The following LPIN1 variants were observed in gnomAD, a reference collection of about 807,000 sequenced individuals.
LPIN1 encodes lipin 1.
Under a neutral mutation model 107.5 loss-of-function variants are expected in LPIN1, and 71 were observed. That is an observed-to-expected ratio of 0.66 (90% CI 0.55 to 0.80). The LOEUF is 0.80. LPIN1 is among the 30% of genes least tolerant of loss of function. The pLI is 0.00. For synonymous variants in LPIN1, 445 were observed against 452.6 expected, an observed-to-expected ratio of 0.98 and a Z score of 0.21; for missense variants, 1,043 against 1,160.6, an observed-to-expected ratio of 0.90 and a Z score of 1.47.
Position 11,716,800 on chromosome 2 carries a change from C to T in LPIN1, c.138+2988C>T, listed in dbSNP as rs150083703. On this transcript the variant is annotated intron_variant, in intron 2 of 21. Coordinates refer to the LPIN1 transcript ENST00000449576. ...TACACACTCACCAACCCACCTCCCC[C>T]GGCTCTATCCCCAAACAAGATTCAA... 1.1e-4 allele frequency among the ~76,000 whole-genome samples: 16 copies of T among 152,280 alleles called. 1 individual carries two copies. The highest frequency in any genetic ancestry group is 2.9e-4 in the African/African-American group (12 of 41,546).
rs544065692 is a variant in LPIN1, at chr2:11,707,512, A to C, written c.82-6244A>C. On this transcript the variant is annotated intron_variant, in intron 1 of 21. Coordinates refer to the LPIN1 transcript ENST00000449576. The surrounding 1 kb of genome is among the most constrained non-coding windows in gnomAD (Gnocchi z 4.2). ...AAGTTTTGAGCTGAGGAGTGGTGTG[A>C]TCTAACATTCCAGAAGGTTCCTGTG... 2.7e-4 allele frequency among the ~76,000 whole-genome samples: 41 copies of C among 152,288 alleles called. No individual in the cohort carries two copies. Among genetic ancestry groups the C allele is most frequent in the Non-Finnish European group, 5.3e-4 (36 of 68,020 alleles).
intron 1 of LPIN1, among the ~76,000 whole-genome samples, chr2:11,736,668 C>T (rs1457148359): frequency 2.0e-5 from 3 of 152,256 alleles, no homozygotes; most frequent in Admixed American, 6.5e-5. Flanking sequence ...CCGGTATACA[C>T]TGCTATGACC....
intron 1 of LPIN1, among the ~76,000 whole-genome samples, chr2:11,761,602 G>T (rs1274239863): frequency 1.3e-5 from 2 of 152,038 alleles, no homozygotes; most frequent in East Asian, 3.9e-4. Flanking sequence ...ATGACTTCTG[G>T]TTCTCTGGCC....
rs553582539 is a variant in LPIN1 at position 11,776,462 on chromosome 2, ACT to A, written c.830+274_830+275del. Reference sequence around the variant, plus strand: ...TTTTTTTTTTTAATTCCTAAATTTGACTCTCTGGAAATTATGGTTAAGCATAT... The same window carrying A: ...TTTTTTTTTTTAATTCCTAAATTTGACTCTGGAAATTATGGTTAAGCATAT... On this transcript the variant is annotated intron_variant, in intron 6 of 20. Transcript: ENST00000674199. Among the ~76,000 whole-genome samples the A allele has an allele frequency of 2.0e-5, 3 of 149,744 alleles. No individual in the cohort carries two copies. The East Asian group carries it at 5.8e-4, about 29-fold the overall frequency.
Position 11,765,429 on chromosome 2 carries a change from G to T in LPIN1, c.-9-104G>T. On this transcript the variant is annotated intron_variant, in intron 1 of 20. Coordinates refer to ENST00000674199, the MANE Select transcript of LPIN1 (RefSeq NM_001349206.2). The surrounding 1 kb of genome is among the most constrained non-coding windows in gnomAD (Gnocchi z 4.4). ...CCGGAAATGAGAGGAGCTGAAAGTT[G>T]AGTGTGTAATCCACGTTTTTGAAAT... The T allele has an allele frequency of 9.4e-7, 1 of 1,063,848 alleles. No individual in the cohort carries two copies. Among genetic ancestry groups the T allele is most frequent in the Non-Finnish European group, 1.4e-6 (1 of 717,504 alleles). The allele number at this position is 1,063,848 out of a possible 1,614,324, so 65.9% of individuals were successfully genotyped here. A position where few individuals can be genotyped will look rare whatever the true frequency, so the allele number is the denominator to read the frequency against.
rs1045554658 is a variant in LPIN1 at position 11,774,665 on chromosome 2, G to A, written c.722+920G>A. Among the ~76,000 whole-genome samples, 1 of 152,290 alleles carries A rather than the reference G, an allele frequency of 6.6e-6. No individual in the cohort carries two copies. The highest frequency in any genetic ancestry group is 2.1e-4 in the South Asian group (1 of 4,824). ...TAGAAACTCTGGGTTCCTACCTGAA[G>A]CCGGTCTTATCAAAACGCCACCCCT... On this transcript the variant is annotated intron_variant, in intron 5 of 20. Coordinates refer to ENST00000674199, the MANE Select transcript of LPIN1 (RefSeq NM_001349206.2). The surrounding 1 kb of genome is among the most constrained non-coding windows in gnomAD (Gnocchi z 4.4).
intron 17 of LPIN1, among the ~76,000 whole-genome samples, chr2:11,809,636 G>A (rs570503349): frequency 3.3e-5 from 5 of 152,144 alleles, no homozygotes; most frequent in Non-Finnish European, 5.9e-5. Context: ...GGCTGGTTTC[G>A]AACTCCTGAC....
At chr2:11,739,496 C>T (rs6432237) in intron 1 of LPIN1, among the ~76,000 whole-genome samples, 22,319 of 152,112 alleles carry the variant, frequency 0.15, 3,365 homozygotes, top group African/African-American at 0.39. Flanking sequence ...TTCAGGACAT[C>T]GAGGAGAAAA....
chr2:11,819,675 C>T (rs1558311209), intron 19 of LPIN1, 77 bp downstream of exon 19: 21 of 1,058,536 alleles, frequency 2.0e-5, no homozygotes, highest in Non-Finnish European at 2.7e-5. Flanking sequence ...AAGCCCTATC[C>T]GAGAACCATA....
upstream of LPIN1, chr2:11,722,042 GA>G (rs5829327): frequency 0.4 from 61,478 of 152,124 alleles, 13,880 homozygotes; most frequent in South Asian, 0.55. Flanking sequence ...GGAAGGCAGA[GA>G]AAAAGAAGGA....
At chr2:11,681,649 C>G (rs1233482193) in intron 1 of LPIN1, among the ~76,000 whole-genome samples, 2 of 152,184 alleles carry the variant, frequency 1.3e-5, no homozygotes, top group African/African-American at 2.4e-5. Flanking sequence ...CTGTTCTTTC[C>G]TTCTACCACG....
At chr2:11,693,204 T>A (rs899755903) in intron 1 of LPIN1, among the ~76,000 whole-genome samples, 3 of 100,070 alleles carry the variant, frequency 3.0e-5, no homozygotes, top group Admixed American at 2.6e-4. Context: ...CTGAACAACA[T>A]TTTTTTTTTT....
chr2:11,728,814 T>C (rs1178512237), intron 1 of LPIN1, among the ~76,000 whole-genome samples: 1 of 152,332 alleles, frequency 6.6e-6, no homozygotes, highest in African/African-American at 2.4e-5. Context: ...TACTTTTTAG[T>C]GATTGCTCAA....
chr2:11,678,100 C>T (rs1183776601), intron 1 of LPIN1, among the ~76,000 whole-genome samples: 1 of 152,180 alleles, frequency 6.6e-6, no homozygotes. Context: ...AGTTTGTGTG[C>T]AGGCCAGGAA....
At chr2:11,780,025 C>T (rs1030454586) in intron 7 of LPIN1, among the ~76,000 whole-genome samples, 3 of 152,056 alleles carry the variant, frequency 2.0e-5, no homozygotes, top group South Asian at 2.1e-4. Context: ...GGATTACAGG[C>T]GCATGCCACC....
intron 1 of LPIN1, among the ~76,000 whole-genome samples, chr2:11,763,817 C>G (rs1670246963): frequency 6.7e-6 from 1 of 149,950 alleles, no homozygotes; most frequent in African/African-American, 2.5e-5. Flanking sequence ...TCGTTGTACC[C>G]TGTCCACCTT....
In LPIN1 at chr2:11,827,001, C is replaced by T. The variant is rs192429752; in HGVS notation, c.*2210C>T. 8.9e-4 allele frequency: 136 copies of T among 152,734 alleles called. No individual in the cohort carries two copies. The highest frequency in any genetic ancestry group is 3.2e-3 in the African/African-American group (133 of 41,548). 9.5% of individuals were successfully genotyped at this position (152,734 alleles called of 1,614,324 possible). A position where few individuals can be genotyped will look rare whatever the true frequency, so the allele number is the denominator to read the frequency against. ...TATATGGGCTGCACTCACGCATATA[C>T]GAGTTGGTTTATCTTTGTGTACATG... On this transcript the variant is annotated 3_prime_UTR_variant, in exon 21 of 21. Coordinates refer to ENST00000674199, the MANE Select transcript of LPIN1 (RefSeq NM_001349206.2). This position sits in a 1 kb window ranked among gnomAD's most constrained non-coding sequence, Gnocchi z 4.1.
At chr2:11,753,034 T>G (rs1459448791) in intron 1 of LPIN1, among the ~76,000 whole-genome samples, 3 of 152,180 alleles carry the variant, frequency 2.0e-5, no homozygotes, top group African/African-American at 7.2e-5. Flanking sequence ...GAGCGTCTGC[T>G]GTGTGCTGGA....
At chr2:11,760,123 G>A (rs1669529185) in intron 1 of LPIN1, among the ~76,000 whole-genome samples, 2 of 152,174 alleles carry the variant, frequency 1.3e-5, no homozygotes, top group African/African-American at 2.4e-5. Flanking sequence ...CAGACGATGG[G>A]CGGCCGGGCA....
Sources: allele counts gnomAD v4.1 joint callset (sites outside exome capture counted in the v4.1 genomes callset), GRCh38; gene constraint gnomAD v4.1.1; non-coding constraint Gnocchi (gnomAD v3.1); transcripts MANE v1.5; gene names NCBI Gene and HGNC (gene_info 2026-07-23, HGNC 2026-07-21).